The following SNX30 variants were observed in gnomAD, a reference collection of about 807,000 sequenced individuals.
The protein encoded by SNX30 is sorting nexin family member 30.
A neutral mutation model predicts 46.4 loss-of-function variants in SNX30; 24 were observed. That is an observed-to-expected ratio of 0.52 (90% CI 0.37 to 0.73). The LOEUF is 0.73. SNX30 is among the 30% of genes least tolerant of loss of function. SNX30 has a pLI of 0.00. For missense variants in SNX30, 533 were observed against 555.7 expected (o/e 0.96, Z 0.41); for synonymous variants, 189 against 211.5 (o/e 0.89, Z 0.92).
chr9:112,804,365 A>G (rs1007097420), intron 1 of SNX30, among the ~76,000 whole-genome samples: 3 of 152,056 alleles, frequency 2.0e-5, no homozygotes, highest in Middle Eastern at 3.2e-3. Flanking sequence ...GGGTTTCACC[A>G]TGTTGGCCAG....
chr9:112,861,236 G>A (rs369163450), intron 7 of SNX30, among the ~76,000 whole-genome samples: 2 of 152,342 alleles, frequency 1.3e-5, no homozygotes, highest in South Asian at 4.1e-4. Context: ...GGAAGATTGT[G>A]TTATTAATAT....
At position 112,872,592 on chromosome 9, in the gene SNX30, A is replaced by G. The variant is rs1841464093; in HGVS notation, c.*3749A>G. On this transcript the variant is annotated 3_prime_UTR_variant, in exon 9 of 9. Transcript: ENST00000374232. Reference sequence around the variant, plus strand: ...CTGCACTGAGGGTGATTCTTCTCAGAAGATGGGCTGCCTGTGGTCAGGACA... The same window carrying G: ...CTGCACTGAGGGTGATTCTTCTCAGGAGATGGGCTGCCTGTGGTCAGGACA... 2 of 152,342 alleles carry G rather than the reference A, an allele frequency of 1.3e-5. No individual in the cohort carries two copies. Among genetic ancestry groups the G allele is most frequent in the East Asian group, 3.9e-4 (2 of 5,188 alleles). 9.4% of individuals were successfully genotyped at this position (152,342 alleles called of 1,614,324 possible).
At chr9:112,868,383 C>A (rs1368104561) in intron 8 of SNX30, among the ~76,000 whole-genome samples, 1 of 152,212 alleles carries the variant, frequency 6.6e-6, no homozygotes, top group Non-Finnish European at 1.5e-5. Context: ...TTCCATCCTG[C>A]ATAAGCGCCA....
intron 1 of SNX30, among the ~76,000 whole-genome samples, chr9:112,786,246 T>C (rs1839923555): frequency 6.6e-6 from 1 of 151,890 alleles, no homozygotes; most frequent in African/African-American, 2.4e-5. Flanking sequence ...GCCTCCTGAG[T>C]AGCTGGGACT....
At chr9:112,825,627 A>G (rs1298921931) in intron 3 of SNX30, among the ~76,000 whole-genome samples, 1 of 151,064 alleles carries the variant, frequency 6.6e-6, no homozygotes, top group Non-Finnish European at 1.5e-5. Context: ...TTTTGGCCTA[A>G]ACGTTATATA....
intron 3 of SNX30, among the ~76,000 whole-genome samples, chr9:112,827,175 G>A (rs1305445337): frequency 6.6e-6 from 1 of 152,194 alleles, no homozygotes; most frequent in Non-Finnish European, 1.5e-5. Context: ...CTGAAGATTA[G>A]TAGTCCCCTG....
chr9:112,855,684 A>G (rs969873784), intron 7 of SNX30, among the ~76,000 whole-genome samples: 5 of 152,160 alleles, frequency 3.3e-5, no homozygotes, highest in Non-Finnish European at 7.3e-5. Flanking sequence ...CCTAGAATGC[A>G]AAGTTTTGCA....
At position 112,839,452 on chromosome 9, in the gene SNX30, C is replaced by T. The variant is rs80038960; in HGVS notation, c.1014+755C>T. Among the ~76,000 whole-genome samples the T allele has an allele frequency of 5.9e-3, 903 of 152,166 alleles. 9 individuals are homozygous for T. Among genetic ancestry groups the T allele is most frequent in the Non-Finnish European group, 8.3e-3 (565 of 68,002 alleles). On this transcript the variant is annotated intron_variant, in intron 6 of 8. Transcript: ENST00000374232. ...AGTGAGAATGGCTTTGGTCTAGCAG[C>T]GGTGAATGAGAAGAGGAACTATGAG...
chr9:112,768,295 G>C (rs113668598), intron 1 of SNX30, among the ~76,000 whole-genome samples: 85 of 152,288 alleles, frequency 5.6e-4, no homozygotes, highest in African/African-American at 1.9e-3. Context: ...GATGTTTCCA[G>C]CCGACATCTA....
At chr9:112,795,765 T>TCACACACACACACACACACA (rs1554751568) in intron 1 of SNX30, among the ~76,000 whole-genome samples, 8 of 123,222 alleles carry the variant, frequency 6.5e-5, no homozygotes, top group South Asian at 5.8e-4. Context: ...CACAGTACAG[T>TCACACACACACACACACACA]CACACACACA....
At chr9:112,756,278 A>G (rs1839346630) in intron 1 of SNX30, among the ~76,000 whole-genome samples, 1 of 151,998 alleles carries the variant, frequency 6.6e-6, no homozygotes, top group Admixed American at 6.6e-5. Flanking sequence ...TCATTTTCCA[A>G]CTTCACACCT....
At chr9:112,762,975 T>A (rs1450781934) in intron 1 of SNX30, among the ~76,000 whole-genome samples, 1 of 152,124 alleles carries the variant, frequency 6.6e-6, no homozygotes, top group African/African-American at 2.4e-5. Context: ...GTGGGGTGTT[T>A]GGACGTGAAT....
chr9:112,782,322 T>C (rs1355642750), intron 1 of SNX30, among the ~76,000 whole-genome samples: 1 of 152,212 alleles, frequency 6.6e-6, no homozygotes, highest in Non-Finnish European at 1.5e-5. Context: ...TGCCTCAGCT[T>C]CCTAAAGTGC....
At chr9:112,787,526 T>C (rs377308170) in intron 1 of SNX30, among the ~76,000 whole-genome samples, 9 of 152,192 alleles carry the variant, frequency 5.9e-5, no homozygotes, top group African/African-American at 2.2e-4. Context: ...GGTCGAAATG[T>C]ATTTCTGTTT....
intron 1 of SNX30, among the ~76,000 whole-genome samples, chr9:112,791,339 A>G (rs763956416): frequency 1.4e-5 from 2 of 147,836 alleles, no homozygotes; most frequent in African/African-American, 2.5e-5. Flanking sequence ...CACTTAGAAT[A>G]ATGTCTTCAA....
At chr9:112,777,789 C>T (rs1839773658) in intron 1 of SNX30, among the ~76,000 whole-genome samples, 1 of 151,994 alleles carries the variant, frequency 6.6e-6, no homozygotes, top group Admixed American at 6.6e-5. Flanking sequence ...AGCTTTTAAA[C>T]TGAGTGGTTG....
chr9:112,850,852 C>T lies in SNX30; in HGVS notation c.1015-7C>T, dbSNP rs1195726894. On this transcript the variant is annotated splice_region_variant and splice_polypyrimidine_tract_variant and intron_variant, in intron 6 of 8. Transcript: ENST00000374232. Reference sequence around the variant, plus strand: ...TGTTACATGCTTCTCTCCTCTGCCTCCCACAGAGTGTATTGAAGAAGAGGG... The same window carrying T: ...TGTTACATGCTTCTCTCCTCTGCCTTCCACAGAGTGTATTGAAGAAGAGGG... The T allele has an allele frequency of 1.2e-6, 2 of 1,611,542 alleles. No individual in the cohort carries two copies. Among genetic ancestry groups the T allele is most frequent in the Non-Finnish European group, 1.7e-6 (2 of 1,178,110 alleles).
intron 1 of SNX30, among the ~76,000 whole-genome samples, chr9:112,770,449 G>A (rs1174225388): frequency 1.3e-5 from 2 of 151,940 alleles, no homozygotes. Flanking sequence ...GGGATTACAG[G>A]TATGAGCCAC....
At chr9:112,857,809 C>CATCT (rs796770866) in intron 7 of SNX30, among the ~76,000 whole-genome samples, 13 of 151,710 alleles carry the variant, frequency 8.6e-5, no homozygotes, top group Non-Finnish European at 1.2e-4. Context: ...TCCATCCATC[C>CATCT]ATCTATCTAT....
Sources: gnomAD v4.1 joint callset for allele counts (sites outside exome capture counted in the v4.1 genomes callset) on GRCh38, gnomAD v4.1.1 for gene constraint, MANE v1.5 for transcripts, NCBI Gene and HGNC (gene_info 2026-07-23, HGNC 2026-07-21) for gene names.